Variants in TMED10 observed in about 807,000 individuals in gnomAD.
The protein encoded by TMED10 is transmembrane p24 trafficking protein 10, also known as transmembrane emp24 domain-containing protein 10.
Under a neutral mutation model 23.1 loss-of-function variants are expected in TMED10, and 7 were observed. The ratio of observed to expected loss-of-function variants is 0.30; its 90% CI spans 0.17 to 0.57. TMED10 has a LOEUF of 0.57. Ranked by LOEUF, TMED10 falls within the 20% of genes least tolerant of loss-of-function variation. TMED10 has a pLI of 0.91. For synonymous variants in TMED10, 113 were observed against 106.9 expected (o/e 1.06, Z -0.35); for missense variants, 162 against 274.8 (o/e 0.59, Z 2.90).
At chr14:75,166,106 A>G (rs1896158706) in intron 1 of TMED10, among the ~76,000 whole-genome samples, 1 of 152,140 alleles carries the variant, frequency 6.6e-6, no homozygotes, top group Non-Finnish European at 1.5e-5. Flanking sequence ...GTTTTTTTTC[A>G]TACTGTTCCA....
intron 3 of TMED10, among the ~76,000 whole-genome samples, chr14:75,139,988 T>G (rs1487506802): frequency 6.6e-6 from 1 of 152,144 alleles, no homozygotes; most frequent in African/African-American, 2.4e-5. Flanking sequence ...ACCACCAAAA[T>G]CTGACGGACT....
At chr14:75,147,246 T>A (rs1056187337) in intron 3 of TMED10, among the ~76,000 whole-genome samples, 12 of 144,566 alleles carry the variant, frequency 8.3e-5, no homozygotes, top group African/African-American at 3.2e-4. Context: ...TGGAGTGCAG[T>A]GGCACGATCT....
In TMED10 at chr14:75,132,392, C is replaced by CAA. The variant is rs963087317; in HGVS notation, c.*2492_*2493insTT. 8.4e-6 allele frequency: 1 copy of CAA among 118,748 alleles called. No homozygotes were observed. The highest frequency in any genetic ancestry group is 8.0e-5 in the Admixed American group (1 of 12,468). The allele number at this position is 118,748 out of a possible 1,614,324, so 7.4% of individuals were successfully genotyped here. On this transcript the variant is annotated 3_prime_UTR_variant, in exon 5 of 5. Coordinates refer to ENST00000303575, the MANE Select transcript of TMED10 (RefSeq NM_006827.6). ...GTTGCAGCAAGACTCCGTCCCCCCC[C>CAA]CCCCAAAAAAAAAAAAGTTTAAGGA...
At chr14:75,135,589 G>A in intron 4 of TMED10, 171 bp downstream of exon 4, 1 of 885,814 alleles carries the variant, frequency 1.1e-6, no homozygotes, top group Non-Finnish European at 1.7e-6. Flanking sequence ...CTACTCTCTT[G>A]AAAATCTAAC....
At chr14:75,136,433 A>AC (rs1169007198) in intron 3 of TMED10, among the ~76,000 whole-genome samples, 5 of 152,240 alleles carry the variant, frequency 3.3e-5, no homozygotes, top group African/African-American at 1.2e-4. Flanking sequence ...TGTTGGGACT[A>AC]CAAGTGTGAG....
At chr14:75,163,152 G>GGATT (rs1311168990) in intron 1 of TMED10, among the ~76,000 whole-genome samples, 6 of 151,854 alleles carry the variant, frequency 4.0e-5, no homozygotes, top group African/African-American at 1.2e-4. Context: ...TCAGGGAGGA[G>GGATT]GATTGCCTGA....
chr14:75,168,609 GA>G (rs1896192643), intron 1 of TMED10, among the ~76,000 whole-genome samples: 1 of 152,114 alleles, frequency 6.6e-6, no homozygotes. Context: ...CCATATTACA[GA>G]AACAGGACCA....
chr14:75,140,743 T>C (rs12878764), intron 3 of TMED10, among the ~76,000 whole-genome samples: 2,392 of 152,100 alleles, frequency 0.016, 32 homozygotes, highest in Non-Finnish European at 0.023. Flanking sequence ...TAGTAGTCAG[T>C]GGTTTAAAAC....
chr14:75,155,027 C>T (rs767206691), intron 1 of TMED10, among the ~76,000 whole-genome samples: 7 of 151,762 alleles, frequency 4.6e-5, no homozygotes, highest in South Asian at 2.1e-4. Context: ...GGCGCAATCC[C>T]GGCTCACTGC....
At chr14:75,144,074 T>C (rs1359461281) in intron 3 of TMED10, among the ~76,000 whole-genome samples, 1 of 152,150 alleles carries the variant, frequency 6.6e-6, no homozygotes, top group East Asian at 1.9e-4. Flanking sequence ...GGAATATAGA[T>C]TGATAGCAAA....
intron 2 of TMED10, among the ~76,000 whole-genome samples, chr14:75,150,090 T>C (rs1374672545): frequency 6.6e-6 from 1 of 152,090 alleles, no homozygotes; most frequent in Non-Finnish European, 1.5e-5. Flanking sequence ...AGAGCAAGAC[T>C]CTTGTTTCAC....
At chr14:75,136,731 A>T (rs1895754989) in intron 3 of TMED10, 1 of 152,244 alleles carries the variant, frequency 6.6e-6, no homozygotes, top group Non-Finnish European at 1.5e-5. Context: ...CTCAGATGTG[A>T]GAAAACTGCA....
Position 75,147,659 on chromosome 14 carries a change from C to T in TMED10, c.411+5G>A, listed in dbSNP as rs1171510922. On this transcript the variant is annotated splice_donor_5th_base_variant and intron_variant, in intron 3 of 4. Transcript: ENST00000303575. The stretch of plus-strand genomic sequence containing the variant: ...GCCTCCTCTGGCTGTTAGAGCAGGA[C>T]ATACCTCTTCGTAATTTTTCGCCTC... 2 of 1,613,996 alleles carry T rather than the reference C, an allele frequency of 1.2e-6. No homozygotes were observed. The highest frequency in any genetic ancestry group is 2.2e-5 in the East Asian group (1 of 44,900).
intron 1 of TMED10, among the ~76,000 whole-genome samples, chr14:75,158,046 T>C (rs1161510764): frequency 6.6e-6 from 1 of 152,138 alleles, no homozygotes; most frequent in Non-Finnish European, 1.5e-5. Flanking sequence ...CCAAAAGGAA[T>C]GTCTGAAAAA....
intron 1 of TMED10, among the ~76,000 whole-genome samples, chr14:75,157,431 C>T (rs175426): frequency 0.5 from 75,603 of 151,766 alleles, 19,367 homozygotes; most frequent in Middle Eastern, 0.56. Flanking sequence ...GTGGGAGGAT[C>T]ACTTGAGCCC....
chr14:75,155,105 T>C (rs547048506), intron 1 of TMED10, among the ~76,000 whole-genome samples: 138 of 152,128 alleles, frequency 9.1e-4, no homozygotes, highest in Non-Finnish European at 1.5e-3. Context: ...ACTACAGGCA[T>C]GCACCCCCAA....
intron 1 of TMED10, among the ~76,000 whole-genome samples, chr14:75,152,414 C>G (rs1250404359): frequency 6.6e-6 from 1 of 152,158 alleles, no homozygotes; most frequent in East Asian, 1.9e-4. Flanking sequence ...GTTAATCTAG[C>G]TAATGCTCCA....
intron 1 of TMED10, among the ~76,000 whole-genome samples, chr14:75,170,501 C>A (rs1210341607): frequency 1.3e-5 from 2 of 151,974 alleles, no homozygotes; most frequent in Non-Finnish European, 2.9e-5. Context: ...CTATCAAAAC[C>A]TAACAGGATT....
At chr14:75,165,976 T>TTG (rs1407299744) in intron 1 of TMED10, among the ~76,000 whole-genome samples, 3 of 83,550 alleles carry the variant, frequency 3.6e-5, no homozygotes, top group African/African-American at 1.5e-4. Flanking sequence ...ATGCTTGACT[T>TTG]GGGGGAGGAG....
Sources: allele counts gnomAD v4.1 joint callset (sites outside exome capture counted in the v4.1 genomes callset), GRCh38; gene constraint gnomAD v4.1.1; transcripts MANE v1.5; gene names NCBI Gene and HGNC (gene_info 2026-07-23, HGNC 2026-07-21).